PTPDC1: variants seen among roughly 807,000 people sequenced by gnomAD.
PTPDC1 encodes the protein protein tyrosine phosphatase domain containing 1.
PTPDC1 carries 53 observed loss-of-function variants against 75.3 expected under a neutral mutation model. The ratio of observed to expected loss-of-function variants is 0.70; its 90% CI spans 0.56 to 0.88. The LOEUF is 0.88. PTPDC1 is among the 40% of genes least tolerant of loss of function. The probability of loss-of-function intolerance (pLI) is 0.00; values close to 1 mark genes in which losing one functional copy is unlikely to be tolerated. For missense variants in PTPDC1, 925 were observed against 998.6 expected (o/e 0.93, Z 0.99); for synonymous variants, 349 against 366.2 (o/e 0.95, Z 0.54).
chr9:94,082,384 T>G (rs1228091403), upstream of PTPDC1, among the ~76,000 whole-genome samples: 1 of 152,186 alleles, frequency 6.6e-6, no homozygotes, highest in Non-Finnish European at 1.5e-5. Context: ...TAGAAGGAAA[T>G]TACTAGTTCT....
upstream of PTPDC1, chr9:94,084,382 CTTTG>C (rs1554695973): frequency 1.1e-5 from 15 of 1,313,038 alleles, no homozygotes; most frequent in Non-Finnish European, 1.5e-5. Context: ...TCAGTAGTTT[CTTTG>C]TTTGTCGCCA....
In PTPDC1 at chr9:94,058,343, A is replaced by G. The variant is rs112743244; in HGVS notation, c.-6-6391A>G. Reference sequence around the variant, plus strand: ...TATCTTCAAAAAGCAAGTAGGTAGTATGATTATGATAGTATGATTAAGAAG... The same window carrying G: ...TATCTTCAAAAAGCAAGTAGGTAGTGTGATTATGATAGTATGATTAAGAAG... On this transcript the variant is annotated intron_variant, in intron 1 of 9. Transcript: ENST00000375360. Among the ~76,000 whole-genome samples, 902 of 152,294 alleles carry G rather than the reference A, an allele frequency of 5.9e-3. 11 individuals carry two copies. The highest frequency in any genetic ancestry group is 0.021 in the African/African-American group (863 of 41,548).
chr9:94,107,809 T>C lies in PTPDC1; in HGVS notation c.2311-19T>C. On this transcript the variant is annotated intron_variant, in intron 8 of 8. Transcript: ENST00000620992. ...AATTCTTGTTACAGTGTCCTGAATATAAATTTCTTTGTCACCAGGTTAATT... is the reference window on the plus strand; with the variant it reads ...AATTCTTGTTACAGTGTCCTGAATACAAATTTCTTTGTCACCAGGTTAATT... The C allele has an allele frequency of 6.9e-7, 1 of 1,449,072 alleles. No individual in the cohort carries two copies. Among genetic ancestry groups the C allele is most frequent in the Admixed American group, 1.9e-5 (1 of 53,186 alleles). 89.8% of individuals were successfully genotyped at this position (1,449,072 alleles called of 1,614,324 possible).
chr9:94,043,912 A>G (rs1021609576), intron 1 of PTPDC1, among the ~76,000 whole-genome samples: 2 of 152,206 alleles, frequency 1.3e-5, no homozygotes, highest in Admixed American at 6.5e-5. Context: ...TTTGTTGAAA[A>G]AACTTTTCTT....
Position 94,098,177 on chromosome 9 carries a change from A to T in PTPDC1, c.1611A>T (p.Glu537Asp). Reference sequence around the variant, plus strand: ...TCCATGGAAGGATCATTCCAAAGGAAGCACAGCAGAGTGGAGCTTTCTCTG... The same window carrying T: ...TCCATGGAAGGATCATTCCAAAGGATGCACAGCAGAGTGGAGCTTTCTCTG... ...PIFHGRIIPK[E>D]AQQSGAFSAD... Residue 537 changes from glutamate to aspartate, a missense_variant, in exon 6 of 9, where the codon GAA becomes GAT. Transcript: ENST00000620992. 1 of 1,614,252 alleles carries T rather than the reference A, an allele frequency of 6.2e-7. No individual in the cohort carries two copies. The highest frequency in any genetic ancestry group is 1.3e-5 in the African/African-American group (1 of 75,068).
chr9:94,095,297 T>C lies in PTPDC1; in HGVS notation c.617-20T>C. The C allele has an allele frequency of 6.3e-7, 1 of 1,593,002 alleles. No homozygotes were observed. The highest frequency in any genetic ancestry group is 8.6e-7 in the Non-Finnish European group (1 of 1,167,604). Reference sequence around the variant, plus strand: ...TAATTTCCTGTATGTTGATTTTCTTTTCCTTTTCTTTTTTCCTAGTTTACT... The same window carrying C: ...TAATTTCCTGTATGTTGATTTTCTTCTCCTTTTCTTTTTTCCTAGTTTACT... On this transcript the variant is annotated intron_variant, in intron 4 of 8. Coordinates refer to ENST00000620992, the MANE Select transcript of PTPDC1 (RefSeq NM_001253829.2).
chr9:94,093,510 C>T lies in PTPDC1; in HGVS notation c.617-1807C>T, dbSNP rs551745326. Among the ~76,000 whole-genome samples, 879 of 147,934 alleles carry T rather than the reference C, an allele frequency of 5.9e-3. 10 individuals carry two copies. The highest frequency in any genetic ancestry group is 0.021 in the African/African-American group (824 of 39,858). ...TAACCCGACCTTTCTCTCTGGCTGC[C>T]CTTAACATTTTTTCCTTCATTTCAA... On this transcript the variant is annotated intron_variant, in intron 4 of 8. Transcript: ENST00000620992.
intron 4 of PTPDC1, 24 bp downstream of exon 4, chr9:94,088,287 C>T: frequency 6.2e-7 from 1 of 1,610,222 alleles, no homozygotes; most frequent in East Asian, 2.2e-5. Context: ...ACCCTCCTCT[C>T]ATGAATTATC....
At chr9:94,103,783 G>C (rs1564039595) in intron 7 of PTPDC1, among the ~76,000 whole-genome samples, 1 of 152,186 alleles carries the variant, frequency 6.6e-6, no homozygotes, top group East Asian at 1.9e-4. Flanking sequence ...AAGCACTTAA[G>C]CACTGCATTG....
At chr9:94,049,067 C>T (rs1825705533) in intron 1 of PTPDC1, among the ~76,000 whole-genome samples, 1 of 152,134 alleles carries the variant, frequency 6.6e-6, no homozygotes, top group South Asian at 2.1e-4. Context: ...GTAGATCTTC[C>T]TCCATCCTTT....
chr9:94,038,230 G>T, intron 1 of PTPDC1: 1 of 918,898 alleles, frequency 1.1e-6, no homozygotes, highest in Non-Finnish European at 1.8e-6. Flanking sequence ...CACTGATGGA[G>T]TATTTGGAGA....
chr9:94,052,500 T>C (rs1219562144), intron 1 of PTPDC1, among the ~76,000 whole-genome samples: 1 of 152,214 alleles, frequency 6.6e-6, no homozygotes, highest in African/African-American at 2.4e-5. Flanking sequence ...ATCTGTATCC[T>C]TACTGATTTT....
intron 1 of PTPDC1, among the ~76,000 whole-genome samples, chr9:94,058,290 T>G (rs1276677430): frequency 2.6e-5 from 4 of 152,010 alleles, no homozygotes; most frequent in Non-Finnish European, 5.9e-5. Context: ...CTCTTTGGAG[T>G]AGGAATCCAA....
chr9:94,101,510 C>A, intron 6 of PTPDC1, 56 bp from the exon 7 acceptor site: 2 of 1,375,118 alleles, frequency 1.5e-6, no homozygotes, highest in Non-Finnish European at 2.0e-6. Flanking sequence ...GGTGCACCTC[C>A]CTCTCCTCTC....
Position 94,067,396 on chromosome 9 carries a change from A to AT in PTPDC1, c.82+2575_82+2576insT, listed in dbSNP as rs1564018609. 3.7e-3 allele frequency among the ~76,000 whole-genome samples: 543 copies of AT among 145,744 alleles called. 4 individuals carry two copies. Among genetic ancestry groups the AT allele is most frequent in the African/African-American group, 0.014 (520 of 36,532 alleles). On this transcript the variant is annotated intron_variant, in intron 2 of 9. Coordinates refer to the PTPDC1 transcript ENST00000375360. ...CAGAGTGAGACTCCATCTCAAAAAA[A>AT]AAAAATAATAATAATAATAATAAAC... is the stretch of plus-strand genomic sequence containing the variant.
intron 2 of PTPDC1, among the ~76,000 whole-genome samples, chr9:94,085,920 T>C (rs1156455375): frequency 6.6e-6 from 1 of 152,206 alleles, no homozygotes; most frequent in African/African-American, 2.4e-5. Context: ...AAACATAAGA[T>C]ATTTGCTTTT....
chr9:94,066,442 TG>T (rs985905270), intron 2 of PTPDC1, among the ~76,000 whole-genome samples: 8 of 152,276 alleles, frequency 5.3e-5, no homozygotes, highest in African/African-American at 1.4e-4. Flanking sequence ...AAAATTTAAT[TG>T]GGGGGATACA....
intron 1 of PTPDC1, among the ~76,000 whole-genome samples, chr9:94,036,511 G>A (rs1391772404): frequency 1.3e-5 from 2 of 151,980 alleles, no homozygotes; most frequent in African/African-American, 4.8e-5. Flanking sequence ...ATATGCGTGG[G>A]TTTATTTAGA....
chr9:94,056,034 TA>T (rs1371626919), intron 1 of PTPDC1, among the ~76,000 whole-genome samples: 1 of 152,114 alleles, frequency 6.6e-6, no homozygotes, highest in East Asian at 1.9e-4. Context: ...GGGAGTCTGT[TA>T]GGGGATGGGT....
Sources: gnomAD v4.1 joint callset for allele counts (sites outside exome capture counted in the v4.1 genomes callset) on GRCh38, gnomAD v4.1.1 for gene constraint, MANE v1.5 for transcripts, NCBI Gene and HGNC (gene_info 2026-07-23, HGNC 2026-07-21) for gene names.